POLH: variants seen among roughly 807,000 people sequenced by gnomAD.
The protein encoded by POLH is DNA polymerase eta transcript.
Under a neutral mutation model 73.6 loss-of-function variants are expected in POLH, and 53 were observed. That is an observed-to-expected ratio of 0.72 (90% confidence interval 0.58 to 0.91). The LOEUF (loss-of-function observed/expected upper bound fraction) is 0.91, where lower values mean the gene tolerates loss of function less well. POLH is among the 40% of genes least tolerant of loss of function. The probability of loss-of-function intolerance (pLI) is 0.00; values close to 1 mark genes in which losing one functional copy is unlikely to be tolerated. For missense variants in POLH, 768 were observed against 865.4 expected, an observed-to-expected ratio of 0.89 and a Z score of 1.41; for synonymous variants, 292 against 308.5, an observed-to-expected ratio of 0.95 and a Z score of 0.56.
rs9333548 is a variant in POLH at position 43,604,730 on chromosome 6, C to G, written c.1000C>G (p.Arg334Gly). The G allele has an allele frequency of 2.9e-4, 468 of 1,614,032 alleles. 2 individuals carry two copies. The African/African-American group carries it at 5.0e-3, about 17-fold the overall frequency. ...NFPGKTALAT[R>G]EQVQWWLLQL... ...CCCAGGAAAAACAGCTCTTGCTACT[C>G]GGGAACAGGTAAGCTGGCATTCTTG... Residue 334 changes from arginine (R) to glycine (G), a missense_variant, in exon 8 of 11, where the codon CGG (arginine) becomes GGG (glycine). Physicochemically the swap from Arg to Gly is moderately radical, Grantham distance 125. Transcript: ENST00000372236.
In POLH at chr6:43,582,995, T is replaced by C. The variant is rs1443554621; in HGVS notation, c.138-12T>C. The stretch of plus-strand genomic sequence containing the variant: ...TAATATGTTTTCTGTTTCCTTTTTT[T>C]TCTAACCTTAGAATAATTGCAGTGA... On this transcript the variant is annotated splice_polypyrimidine_tract_variant and intron_variant, in intron 2 of 10. Transcript: ENST00000372236. 6.2e-7 allele frequency: 1 copy of C among 1,611,472 alleles called. No individual in the cohort carries two copies. Among genetic ancestry groups the C allele is most frequent in the Admixed American group, 1.7e-5 (1 of 60,000 alleles).
rs747378313 is a variant in POLH at position 43,605,249 on chromosome 6, T to C, written c.1009-5T>C. 3.9e-6 allele frequency: 6 copies of C among 1,541,328 alleles called. No homozygotes were observed. In the African/African-American group the frequency reaches 6.8e-5, roughly 17 times the overall value. On this transcript the variant is annotated splice_region_variant and splice_polypyrimidine_tract_variant and intron_variant, in intron 8 of 10. Transcript: ENST00000372236. Reference sequence around the variant, plus strand: ...TGAAAGATTAAAGTCTCAATACTTTTTTAGGTACAATGGTGGCTGTTGCAA... The same window carrying C: ...TGAAAGATTAAAGTCTCAATACTTTCTTAGGTACAATGGTGGCTGTTGCAA...
At chr6:43,576,666 TATTATTAC>T (rs1763379093) in intron 1 of POLH, among the ~76,000 whole-genome samples, 2 of 152,246 alleles carry the variant, frequency 1.3e-5, no homozygotes, top group African/African-American at 4.8e-5. Flanking sequence ...TTCCTGGATG[TATTATTAC>T]CTGGTGGGCA....
intron 1 of POLH, among the ~76,000 whole-genome samples, chr6:43,580,364 CG>C (rs1763910624): frequency 6.8e-6 from 1 of 146,508 alleles, no homozygotes; most frequent in Non-Finnish European, 1.5e-5. Context: ...CCACCTTTCC[CG>C]CCTTTCTATT....
intron 9 of POLH, among the ~76,000 whole-genome samples, chr6:43,605,723 A>AT (rs938747374): frequency 3.4e-4 from 51 of 150,236 alleles, no homozygotes; most frequent in East Asian, 2.1e-3. Flanking sequence ...TAATTTTTTA[A>AT]TTTTTTTTTG....
chr6:43,591,219 T>C (rs908011482), intron 4 of POLH: 1 of 152,246 alleles, frequency 6.6e-6, no homozygotes, highest in Non-Finnish European at 1.5e-5. Flanking sequence ...TTTGATATTT[T>C]ATTATTCTGG....
At position 43,614,827 on chromosome 6, in the gene POLH, G is replaced by A; in HGVS notation, c.*270G>A. ...CAGTGTCATAAAGTAAAAAGTGTGT[G>A]GGCCTTGGAGTCTAAGAGACGTGGT... On this transcript the variant is annotated 3_prime_UTR_variant, in exon 11 of 11. Transcript: ENST00000372236. 1 of 428,362 alleles carries A rather than the reference G, an allele frequency of 2.3e-6. No homozygotes were observed. The highest frequency in any genetic ancestry group is 4.2e-6 in the Non-Finnish European group (1 of 240,576). The allele number at this position is 428,362 out of a possible 1,614,324, so 26.5% of individuals were successfully genotyped here.
chr6:43,597,527 C>G (rs1205425557), intron 4 of POLH, among the ~76,000 whole-genome samples, 169 bp from the exon 5 acceptor site: 1 of 152,208 alleles, frequency 6.6e-6, no homozygotes, highest in East Asian at 1.9e-4. Context: ...CGGGAACACT[C>G]TGAAGGAGAA....
At chr6:43,579,436 G>C (rs1211288116) in intron 1 of POLH, among the ~76,000 whole-genome samples, 1 of 152,210 alleles carries the variant, frequency 6.6e-6, no homozygotes, top group Non-Finnish European at 1.5e-5. Flanking sequence ...AAAGGCCCAA[G>C]AGGAGAGGGT....
At chr6:43,593,276 A>T (rs1765667116) in intron 4 of POLH, among the ~76,000 whole-genome samples, 1 of 152,158 alleles carries the variant, frequency 6.6e-6, no homozygotes, top group Non-Finnish European at 1.5e-5. Flanking sequence ...ATTCTCCCCA[A>T]ATTGACGTAT....
chr6:43,582,222 A>G (rs1764360265), intron 1 of POLH, 94 bp from the exon 2 acceptor site: 2 of 1,152,706 alleles, frequency 1.7e-6, no homozygotes, highest in Non-Finnish European at 2.6e-6. Context: ...TCCCATGCTC[A>G]TGGTAACTCA....
Position 43,620,197 on chromosome 6 carries a change from A to C in POLH, c.*5640A>C, listed in dbSNP as rs1249983600. 2.0e-6 allele frequency: 1 copy of C among 510,998 alleles called. No homozygotes were observed. Among genetic ancestry groups the C allele is most frequent in the African/African-American group, 1.9e-5 (1 of 51,440 alleles). The allele number at this position is 510,998 out of a possible 1,614,324, so 31.7% of individuals were successfully genotyped here. A position where few individuals can be genotyped will look rare whatever the true frequency, so the allele number is the denominator to read the frequency against. On this transcript the variant is annotated 3_prime_UTR_variant, in exon 11 of 11. Coordinates refer to ENST00000372236, the MANE Select transcript of POLH (RefSeq NM_006502.3). ...AGGGCACAGAAGTGGGCTCCTTACTATTCTGACCACTAGCAAGTGGCCAAC... is the reference window on the plus strand; with the variant it reads ...AGGGCACAGAAGTGGGCTCCTTACTCTTCTGACCACTAGCAAGTGGCCAAC...
At chr6:43,582,246 G>C in intron 1 of POLH, 70 bp from the exon 2 acceptor site, 1 of 1,399,282 alleles carries the variant, frequency 7.1e-7, no homozygotes, top group Admixed American at 1.7e-5. Context: ...GTGAAAGAAT[G>C]GAATTACAGT....
intron 8 of POLH, among the ~76,000 whole-genome samples, chr6:43,605,038 C>T (rs1228081733): frequency 6.6e-6 from 1 of 152,112 alleles, no homozygotes; most frequent in Non-Finnish European, 1.5e-5. Flanking sequence ...TTGAAAGTCA[C>T]CTGATGGCAA....
chr6:43,610,463 G>A (rs1767778357), intron 9 of POLH, 91 bp from the exon 10 acceptor site: 2 of 1,032,890 alleles, frequency 1.9e-6, no homozygotes, highest in East Asian at 2.4e-5. Flanking sequence ...TGTCACCCTG[G>A]TTCTTTTAAT....
chr6:43,601,067 TCAGCC>T lies in POLH; in HGVS notation c.741_745del (p.Phe247LeufsTer9). ...TCACATGGGTCAGTCCCACAGCTCT[TCAGCC>T]AAATGCCCATTCGCAAAATGTAAGT... is the stretch of plus-strand genomic sequence containing the variant. On this transcript the variant is annotated frameshift_variant, in exon 6 of 11. Transcript: ENST00000372236. LOFTEE classifies it high-confidence loss of function. The T allele has an allele frequency of 6.2e-7, 1 of 1,613,808 alleles. No homozygotes were observed. The highest frequency in any genetic ancestry group is 8.5e-7 in the Non-Finnish European group (1 of 1,179,696).
intron 3 of POLH, among the ~76,000 whole-genome samples, chr6:43,584,097 C>G (rs1480829415): frequency 6.6e-6 from 1 of 152,174 alleles, no homozygotes; most frequent in Non-Finnish European, 1.5e-5. Flanking sequence ...GGGCCCAGAT[C>G]ACACCACTGC....
rs567804384 is a variant in POLH, at chr6:43,618,503, T to C, written c.*3946T>C. On this transcript the variant is annotated 3_prime_UTR_variant, in exon 11 of 11. Coordinates refer to ENST00000372236, the MANE Select transcript of POLH (RefSeq NM_006502.3). Reference sequence around the variant, plus strand: ...TCTTGTGTGTGAAAAGTCAGCTCTTTTGGCTTTTCTGTTATGGGGAAACTT... The same window carrying C: ...TCTTGTGTGTGAAAAGTCAGCTCTTCTGGCTTTTCTGTTATGGGGAAACTT... Among the ~76,000 whole-genome samples the C allele has an allele frequency of 7.9e-5, 12 of 152,260 alleles. No individual in the cohort carries two copies. Among genetic ancestry groups the C allele is most frequent in the African/African-American group, 2.4e-4 (10 of 41,546 alleles).
chr6:43,593,228 T>TATA (rs1313467136), intron 4 of POLH, among the ~76,000 whole-genome samples: 1 of 152,176 alleles, frequency 6.6e-6, no homozygotes, highest in East Asian at 1.9e-4. Context: ...GATTATACTA[T>TATA]CCTCATGTAT....
Sources: allele counts gnomAD v4.1 joint callset (sites outside exome capture counted in the v4.1 genomes callset), GRCh38; gene constraint gnomAD v4.1.1; transcripts MANE v1.5; gene names NCBI Gene and HGNC (gene_info 2026-07-23, HGNC 2026-07-21).